LRRD1: variants seen among roughly 807,000 people sequenced by gnomAD.
The protein encoded by LRRD1 is leucine-rich repeat and death domain-containing protein 1.
In LRRD1, 49 loss-of-function variants were observed where a neutral mutation model predicts 69.5. The ratio of observed to expected loss-of-function variants is 0.70; its 90% CI spans 0.56 to 0.89. LRRD1 has a LOEUF of 0.89. Among genes scored for constraint, LRRD1 ranks in the 40% least tolerant of loss-of-function variants. The pLI is 0.00. For synonymous variants in LRRD1, 303 were observed against 338.9 expected (o/e 0.89, Z 1.16); for missense variants, 853 against 956.0 (o/e 0.89, Z 1.42).
chr7:92,149,890 G>T (rs1458589120), intron 4 of LRRD1: 1 of 456,580 alleles, frequency 2.2e-6, no homozygotes, highest in South Asian at 1.6e-5. Context: ...TGGTAGAACA[G>T]ATTGGAACTG....
chr7:92,151,459 AATG>A (rs1400531697), intron 3 of LRRD1, among the ~76,000 whole-genome samples: 5 of 152,188 alleles, frequency 3.3e-5, no homozygotes, highest in African/African-American at 1.2e-4. Context: ...TGACATCACT[AATG>A]ATGTTAAATT....
At chr7:92,173,945 G>T in intron 1 of LRRD1, among the ~76,000 whole-genome samples, 1 of 152,102 alleles carries the variant, frequency 6.6e-6, no homozygotes, top group East Asian at 1.9e-4. Context: ...ATCAACAGAT[G>T]AATGGATAAA....
Position 92,164,710 on chromosome 7 carries a change from A to G in LRRD1, c.493T>C (p.Tyr165His), listed in dbSNP as rs746072186. 5.8e-6 allele frequency: 9 copies of G among 1,550,452 alleles called. No individual in the cohort carries two copies. In the South Asian group the frequency reaches 1.1e-4, roughly 18 times the overall value. Residue 165 changes from tyrosine (Y) to histidine (H), a missense_variant, in exon 2 of 6, where the codon TAT becomes CAT. Around this residue, in one of 3 missense-constraint regions of LRRD1, gnomAD observed 739 missense variants for 808.0 expected, o/e 0.91. Transcript: ENST00000458448. The part of the protein sequence containing the change: ...EFPKDILKIK[Y>H]VKYLYLDKNQ... ...TTGTCTAAATATAGATATTTTACATATTTGATTTTTAAAATGTCCTTAGGA... is the reference window on the plus strand; with the variant it reads ...TTGTCTAAATATAGATATTTTACATGTTTGATTTTTAAAATGTCCTTAGGA...
rs1012914529 is a variant in LRRD1, at chr7:92,167,899, A to T, written c.-74-2623T>A. Among the ~76,000 whole-genome samples the T allele has an allele frequency of 1.4e-3, 214 of 149,560 alleles. 2 individuals are homozygous for T. Among genetic ancestry groups the T allele is most frequent in the African/African-American group, 5.1e-3 (205 of 40,448 alleles). ...CTCAAAAAAAAAAAAAAAAAAAAAA[A>T]AAAAAAAAATAAGTTATTCTGCTCT... On this transcript the variant is annotated intron_variant, in intron 1 of 5. Transcript: ENST00000458448.
chr7:92,152,140 AGTGTGTGTGTGT>A lies in LRRD1; in HGVS notation c.2117-1457_2117-1446del, dbSNP rs71528038. 2.4e-3 allele frequency among the ~76,000 whole-genome samples: 341 copies of A among 142,850 alleles called. 4 individuals are homozygous for A. The highest frequency in any genetic ancestry group is 8.6e-3 in the African/African-American group (332 of 38,500). 93.7% of individuals were successfully genotyped at this position (142,850 alleles called of 152,430 possible). A position where few individuals can be genotyped will look rare whatever the true frequency, so the allele number is the denominator to read the frequency against. On this transcript the variant is annotated intron_variant, in intron 3 of 5. Transcript: ENST00000458448. ...AAGATCTGGATACGATGCTTCTGGG[AGTGTGTGTGTGT>A]GTGTGTGTGTGTGTGTGTAAAATAT...
At chr7:92,167,269 C>T (rs1487829417) in intron 1 of LRRD1, among the ~76,000 whole-genome samples, 3 of 151,168 alleles carry the variant, frequency 2.0e-5, no homozygotes, top group South Asian at 2.1e-4. Context: ...CTAATTTTTG[C>T]GTTTTTAGTA....
At chr7:92,178,790 T>A (rs898255312) in intron 1 of LRRD1, 21 of 152,264 alleles carry the variant, frequency 1.4e-4, no homozygotes, top group African/African-American at 4.8e-4. Flanking sequence ...CAATGTAATT[T>A]GTTACCTATC....
chr7:92,148,548 A>G (rs1820388709), intron 4 of LRRD1, among the ~76,000 whole-genome samples: 2 of 152,200 alleles, frequency 1.3e-5, no homozygotes, highest in African/African-American at 4.8e-5. Context: ...TTAATTGCAG[A>G]TAAATACATC....
chr7:92,174,134 A>T lies in LRRD1; in HGVS notation c.-75+4873T>A, dbSNP rs189973131. 2.0e-4 allele frequency among the ~76,000 whole-genome samples: 30 copies of T among 152,136 alleles called. No homozygotes were observed. In the East Asian group the frequency reaches 5.8e-3, roughly 29 times the overall value. ...TGTGGGAGCTAAAAAGTAAATGAAG[A>T]TAGAGAGTAGATTGGTGGTTACCAG... On this transcript the variant is annotated intron_variant, in intron 1 of 5. Transcript: ENST00000458448.
At chr7:92,155,674 G>A (rs186238047) in intron 3 of LRRD1, among the ~76,000 whole-genome samples, 1,659 of 152,274 alleles carry the variant, frequency 0.011, 22 homozygotes, top group South Asian at 0.033. Flanking sequence ...GTGAAGTCCT[G>A]CAATGGGCCA....
chr7:92,167,876 C>CAAAAAAAAAAAAAAAAAAAAAAA (rs542619786), intron 1 of LRRD1, among the ~76,000 whole-genome samples: 6 of 46,186 alleles, frequency 1.3e-4, no homozygotes, highest in African/African-American at 4.7e-4. Context: ...GACTCTGTCT[C>CAAAAAAAAAAAAAAAAAAAAAAA]AAAAAAAAAA....
At position 92,163,494 on chromosome 7, in the gene LRRD1, G is replaced by A. The variant is rs1343220861; in HGVS notation, c.1709C>T (p.Thr570Ile). The change falls in exon 2 of 6, where the codon ACT becomes ATT. Residue 570 changes from threonine (T) to isoleucine (I), a missense_variant. Around this residue, in one of 3 missense-constraint regions of LRRD1, gnomAD observed 739 missense variants for 808.0 expected, o/e 0.91. Coordinates refer to ENST00000458448, the MANE Select transcript of LRRD1 (RefSeq NM_001161528.2). Reference protein sequence around the residue: ...VLILCCNKFETFPRELCTLEN... With the variant: ...VLILCCNKFEIFPRELCTLEN... ...TAAAGTACACAATTCTCTAGGGAAAGTTTCAAATTTATTACAGCATAAAAT... is the reference window on the plus strand; with the variant it reads ...TAAAGTACACAATTCTCTAGGGAAAATTTCAAATTTATTACAGCATAAAAT... 2.6e-6 allele frequency: 4 copies of A among 1,526,962 alleles called. No homozygotes were observed. The highest frequency in any genetic ancestry group is 2.5e-5 in the East Asian group (1 of 40,720). The allele number at this position is 1,526,962 out of a possible 1,614,324, so 94.6% of individuals were successfully genotyped here. A position where few individuals can be genotyped will look rare whatever the true frequency, so the allele number is the denominator to read the frequency against.
chr7:92,175,303 G>A (rs550036021), intron 1 of LRRD1, among the ~76,000 whole-genome samples: 4 of 152,118 alleles, frequency 2.6e-5, no homozygotes, highest in South Asian at 2.1e-4. Context: ...CTGTATCAGA[G>A]TCCTACAAGA....
In LRRD1 at chr7:92,165,133, A is replaced by G. The variant is rs1387367189; in HGVS notation, c.70T>C (p.Ser24Pro). The G allele has an allele frequency of 6.4e-7, 1 of 1,550,440 alleles. No individual in the cohort carries two copies. The highest frequency in any genetic ancestry group is 8.7e-7 in the Non-Finnish European group (1 of 1,146,690). ...AAGCCAGGCTCCTTCATTGACTGTG[A>G]TCTAGATTCTTTCCTAAATTGACTA... is the stretch of plus-strand genomic sequence containing the variant. ...TISQFRKESRSQSMKEPGFIK... is the reference protein window; with the variant it reads ...TISQFRKESRPQSMKEPGFIK... Residue 24 changes from serine (S) to proline (P), a missense_variant, in exon 2 of 6, where the codon TCA becomes CCA. Coordinates refer to ENST00000458448, the MANE Select transcript of LRRD1 (RefSeq NM_001161528.2).
In LRRD1 at chr7:92,164,842, T is replaced by C; in HGVS notation, c.361A>G (p.Thr121Ala). Residue 121 changes from threonine (T) to alanine (A), a missense_variant, in exon 2 of 6, where the codon ACA becomes GCA. This residue lies in a region of LRRD1 where 15 missense variants were observed against 40.9 expected (regional missense o/e 0.37). Transcript: ENST00000458448. ...ACTTGTGGACTAACTTCTCCTACTG[T>C]TTCATGAGATAGGAAGTTAACCAAA... ...QALVNFLSHE[T>A]VGEVSPQVSE... 3 of 1,551,634 alleles carry C rather than the reference T, an allele frequency of 1.9e-6. No individual in the cohort carries two copies. The highest frequency in any genetic ancestry group is 2.6e-6 in the Non-Finnish European group (3 of 1,146,928).
Position 92,164,797 on chromosome 7 carries a change from G to T in LRRD1, c.406C>A (p.Gln136Lys). 3 of 1,551,522 alleles carry T rather than the reference G, an allele frequency of 1.9e-6. No homozygotes were observed. The highest frequency in any genetic ancestry group is 2.4e-5 in the East Asian group (1 of 40,878). The stretch of plus-strand genomic sequence containing the variant: ...AAGTTATCTGCCCCTAGGCCAAGTT[G>T]TTTCTGATTTTCTTCAGAGACTTGT... Reference protein sequence around the residue: ...SPQVSEENQKQLGLGADNFTV... With the variant: ...SPQVSEENQKKLGLGADNFTV... Residue 136 changes from glutamine (Q) to lysine (K), a missense_variant, in exon 2 of 6, where the codon CAA becomes AAA. Gln to Lys is a moderately conservative substitution (Grantham distance 53). Coordinates refer to ENST00000458448, the MANE Select transcript of LRRD1 (RefSeq NM_001161528.2).
intron 4 of LRRD1, among the ~76,000 whole-genome samples, chr7:92,147,883 C>T (rs569893821): frequency 1.3e-5 from 2 of 152,214 alleles, no homozygotes; most frequent in Admixed American, 6.5e-5. Flanking sequence ...AAGCATGTGC[C>T]GCCATGCCTG....
intron 1 of LRRD1, among the ~76,000 whole-genome samples, chr7:92,166,609 T>A (rs1240498920): frequency 6.6e-6 from 1 of 152,216 alleles, no homozygotes; most frequent in Non-Finnish European, 1.5e-5. Flanking sequence ...GTTGCATTTG[T>A]CCCAGGAATG....
chr7:92,165,068 AT>A lies in LRRD1; in HGVS notation c.134del (p.Asp45ValfsTer21). ...GGTTAGAAGATTTCCCTTCCAGGTA[AT>A]CAGAAGCTTCGTTTATCAAATTTGA... ...ETSNLINEASDYLEGKSSNQI... is the reference protein window; with the variant it reads ...ETSNLINEASXYLEGKSSNQI... On this transcript the variant is annotated frameshift_variant, in exon 2 of 6. Transcript: ENST00000458448. LOFTEE classifies it high-confidence loss of function. 6.4e-7 allele frequency: 1 copy of A among 1,551,664 alleles called. No homozygotes were observed. The highest frequency in any genetic ancestry group is 8.7e-7 in the Non-Finnish European group (1 of 1,146,972).
Sources: allele counts gnomAD v4.1 joint callset (sites outside exome capture counted in the v4.1 genomes callset), GRCh38; gene constraint gnomAD v4.1.1; regional missense constraint gnomAD v4.1.1; transcripts MANE v1.5; gene names NCBI Gene and HGNC (gene_info 2026-07-23, HGNC 2026-07-21).